Variants in PTPRJ observed in about 807,000 individuals in gnomAD.
The protein encoded by PTPRJ is receptor-type tyrosine-protein phosphatase eta.
PTPRJ carries 129 observed loss-of-function variants against 141.3 expected under a neutral mutation model. The observed-to-expected ratio is 0.91, with a 90% confidence interval of 0.79 to 1.06. The LOEUF (loss-of-function observed/expected upper bound fraction) is 1.06. Among genes scored for constraint, PTPRJ ranks in the 50% least tolerant of loss-of-function variants. The pLI is 0.00. For synonymous variants in PTPRJ, 610 were observed against 640.5 expected (o/e 0.95, Z 0.72); for missense variants, 1,601 against 1,679.7 (o/e 0.95, Z 0.82).
At chr11:47,988,911 G>A (rs1170351597) in intron 1 of PTPRJ, among the ~76,000 whole-genome samples, 2 of 108,412 alleles carry the variant, frequency 1.8e-5, no homozygotes, top group African/African-American at 5.0e-5. Flanking sequence ...TTTTTGAGAC[G>A]GAGTCTTGCT....
At chr11:47,981,253 C>T (rs1306503347) in intron 1 of PTPRJ, among the ~76,000 whole-genome samples, 1 of 152,126 alleles carries the variant, frequency 6.6e-6, no homozygotes, top group Admixed American at 6.5e-5. Context: ...GCCCGAGCCT[C>T]CCGGGGAAAG....
At position 48,144,785 on chromosome 11, in the gene PTPRJ, C is replaced by A. The variant is rs1857312970; in HGVS notation, c.2686C>A (p.Gln896Lys). The stretch of plus-strand genomic sequence containing the variant: ...AAGAACAGAAGAAAAGGGACGTTCT[C>A]AGAGCTTGTCTGAAGTTTTGAAATA... ...LIRTEEKGRSQSLSEVLKYEI... is the reference protein window; with the variant it reads ...LIRTEEKGRSKSLSEVLKYEI... The change falls in exon 13 of 25, where the codon CAG (glutamine) becomes AAG (lysine). Residue 896 changes from glutamine to lysine, a missense_variant. Physicochemically the swap from Gln to Lys is moderately conservative, Grantham distance 53 (BLOSUM62 1). Coordinates refer to ENST00000418331, the MANE Select transcript of PTPRJ (RefSeq NM_002843.4). 1 of 1,614,036 alleles carries A rather than the reference C, an allele frequency of 6.2e-7. No individual in the cohort carries two copies.
chr11:48,021,235 G>A (rs1448805040), intron 1 of PTPRJ, among the ~76,000 whole-genome samples: 3 of 151,988 alleles, frequency 2.0e-5, no homozygotes, highest in African/African-American at 4.8e-5. Context: ...TTAGCCGGGC[G>A]TGTTGGCATG....
Position 48,144,877 on chromosome 11 carries a change from C to G in PTPRJ, c.2778C>G (p.Gly926=). ...GYYNGKLEPL[G]SYRACVAGFT... The stretch of plus-strand genomic sequence containing the variant: ...ACAATGGGAAGCTGGAACCTCTGGG[C>G]TCCTACCGGTAATGTCTTCTGGTTC... The change falls in exon 13 of 25, where the codon GGC becomes GGG. Residue 926 remains glycine, a synonymous_variant. Coordinates refer to ENST00000418331, the MANE Select transcript of PTPRJ (RefSeq NM_002843.4). 1 of 1,614,138 alleles carries G rather than the reference C, an allele frequency of 6.2e-7. No homozygotes were observed. The highest frequency in any genetic ancestry group is 2.2e-5 in the East Asian group (1 of 44,886).
In PTPRJ at chr11:48,164,354, A is replaced by G. The variant is rs764838357; in HGVS notation, c.3720-26A>G. 8.7e-6 allele frequency: 14 copies of G among 1,611,782 alleles called. No individual in the cohort carries two copies. The Admixed American group carries it at 1.5e-4, about 17-fold the overall frequency. On this transcript the variant is annotated intron_variant, in intron 23 of 24. Transcript: ENST00000418331. ...GTTGCAGTCGAGGGAACCCACTGTA[A>G]TAGGCTTATTTCTCTTTTCTCTCAG...
Position 48,127,957 on chromosome 11 carries a change from T to C in PTPRJ, c.1271T>C (p.Leu424Pro). The C allele has an allele frequency of 6.2e-7, 1 of 1,614,176 alleles. No individual in the cohort carries two copies. The highest frequency in any genetic ancestry group is 1.3e-5 in the African/African-American group (1 of 75,040). Residue 424 changes from leucine (L) to proline (P), a missense_variant, in exon 7 of 25, where the codon CTC becomes CCC. By Grantham distance (98) the Leu-to-Pro change is moderately conservative. Coordinates refer to ENST00000418331, the MANE Select transcript of PTPRJ (RefSeq NM_002843.4). ...VSEPRAVIPG[L>P]RSSTFYNITV... ...GAGCCTCGCGCTGTCATCCCCGGAC[T>C]CCGCTCCAGCACCTTCTACAACATC...
chr11:48,121,096 A>G lies in PTPRJ; in HGVS notation c.446A>G (p.Tyr149Cys). 6.2e-7 allele frequency: 1 copy of G among 1,614,050 alleles called. No homozygotes were observed. The highest frequency in any genetic ancestry group is 1.3e-5 in the African/African-American group (1 of 75,022). The change falls in exon 4 of 25, where the codon TAC becomes TGC. Residue 149 changes from tyrosine (Y) to cysteine (C), a missense_variant. Transcript: ENST00000418331. ...WKSNDTAASEYKYVVKHKMEN... is the reference protein window; with the variant it reads ...WKSNDTAASECKYVVKHKMEN... The stretch of plus-strand genomic sequence containing the variant: ...AGTAATGACACAGCTGCTTCTGAGT[A>G]CAAGTATGTAGTAAAGCATAAGATG...
intron 1 of PTPRJ, among the ~76,000 whole-genome samples, chr11:48,074,427 A>G (rs929510076): frequency 6.6e-6 from 1 of 152,220 alleles, no homozygotes; most frequent in African/African-American, 2.4e-5. Context: ...ATTTCCCAGC[A>G]TGAGACCCAA....
At chr11:48,035,538 C>CTTTTTTTTTTTTTTTTTTTT (rs66504227) in intron 1 of PTPRJ, among the ~76,000 whole-genome samples, 35 of 61,750 alleles carry the variant, frequency 5.7e-4, no homozygotes, top group East Asian at 1.1e-3. Flanking sequence ...CTTTCTTCTT[C>CTTTTTTTTTTTTTTTTTTTT]TTTTTTTTTT....
chr11:48,045,610 G>T (rs899575785), intron 1 of PTPRJ, among the ~76,000 whole-genome samples: 1 of 152,178 alleles, frequency 6.6e-6, no homozygotes, highest in Non-Finnish European at 1.5e-5. Flanking sequence ...CCCGCCTGTG[G>T]TTTTGAGCCC....
At chr11:48,087,247 C>T (rs757365558) in intron 1 of PTPRJ, among the ~76,000 whole-genome samples, 6 of 152,208 alleles carry the variant, frequency 3.9e-5, no homozygotes, top group South Asian at 4.1e-4. Context: ...AAGTTTTCAG[C>T]GGTCCTTGTT....
intron 1 of PTPRJ, among the ~76,000 whole-genome samples, chr11:48,050,795 A>G (rs1004633226): frequency 1.3e-5 from 2 of 152,150 alleles, no homozygotes; most frequent in Non-Finnish European, 2.9e-5. Flanking sequence ...CTGTTACGCC[A>G]TGAATTGGGT....
At chr11:48,034,360 T>G (rs937212305) in intron 1 of PTPRJ, among the ~76,000 whole-genome samples, 1 of 152,104 alleles carries the variant, frequency 6.6e-6, no homozygotes, top group African/African-American at 2.4e-5. Flanking sequence ...TTCTTAGAAT[T>G]TAGGTCTCAG....
intron 6 of PTPRJ, among the ~76,000 whole-genome samples, chr11:48,125,557 G>A (rs1328463953): frequency 6.6e-6 from 1 of 152,218 alleles, no homozygotes; most frequent in East Asian, 1.9e-4. Context: ...AGTTATGAAA[G>A]TGAGTTTCAT....
chr11:47,985,762 A>G (rs1355528884), intron 1 of PTPRJ, among the ~76,000 whole-genome samples: 1 of 151,890 alleles, frequency 6.6e-6, no homozygotes, highest in Non-Finnish European at 1.5e-5. Flanking sequence ...GTGCTGTGGC[A>G]CGATCTCGGC....
chr11:48,104,462 T>C (rs984465444), intron 1 of PTPRJ, among the ~76,000 whole-genome samples: 2 of 152,234 alleles, frequency 1.3e-5, no homozygotes, highest in Non-Finnish European at 2.9e-5. Flanking sequence ...CACATTTTGG[T>C]TAATTACGTC....
intron 18 of PTPRJ, among the ~76,000 whole-genome samples, chr11:48,152,713 GT>G (rs1182138895): frequency 6.6e-6 from 1 of 152,096 alleles, no homozygotes; most frequent in Non-Finnish European, 1.5e-5. Flanking sequence ...TTTTTGTCAG[GT>G]TTGTCAAAGA....
At chr11:48,076,448 A>G (rs1855405792) in intron 1 of PTPRJ, among the ~76,000 whole-genome samples, 1 of 152,134 alleles carries the variant, frequency 6.6e-6, no homozygotes, top group Non-Finnish European at 1.5e-5. Flanking sequence ...GTCTGGAGTT[A>G]CTCTGGATAA....
chr11:48,064,599 G>T (rs12292520), intron 1 of PTPRJ, among the ~76,000 whole-genome samples: 62 of 133,040 alleles, frequency 4.7e-4, no homozygotes, highest in African/African-American at 1.9e-3. Context: ...AGCTGCAAAT[G>T]TATTTATTTA....
Sources: gnomAD v4.1 joint callset for allele counts (sites outside exome capture counted in the v4.1 genomes callset) on GRCh38, gnomAD v4.1.1 for gene constraint, MANE v1.5 for transcripts, NCBI Gene and HGNC (gene_info 2026-07-23, HGNC 2026-07-21) for gene names.